The following BBOF1 variants were observed in gnomAD, a reference collection of about 807,000 sequenced individuals.
The protein encoded by BBOF1 is basal body-orientation factor 1.
Under a neutral mutation model 68.0 loss-of-function variants are expected in BBOF1, and 62 were observed. The ratio of observed to expected loss-of-function variants is 0.91; its 90% confidence interval spans 0.74 to 1.13. BBOF1 has a LOEUF of 1.13. BBOF1 is among the 50% of genes most tolerant of loss of function. BBOF1 has a pLI of 0.00. For missense variants in BBOF1, 534 were observed against 600.1 expected, an observed-to-expected ratio of 0.89 and a Z score of 1.15; for synonymous variants, 208 against 198.8, an observed-to-expected ratio of 1.05 and a Z score of -0.39.
chr14:74,077,075 T>C (rs1006584616), intron 9 of BBOF1, among the ~76,000 whole-genome samples: 14 of 152,160 alleles, frequency 9.2e-5, no homozygotes, highest in African/African-American at 3.4e-4. Flanking sequence ...TCCTTCCAAA[T>C]ACCTCATCTG....
Position 74,064,831 on chromosome 14 carries a change from A to T in BBOF1, c.*132A>T. 6.2e-7 allele frequency: 1 copy of T among 1,614,072 alleles called. No homozygotes were observed. Among genetic ancestry groups the T allele is most frequent in the South Asian group, 1.1e-5 (1 of 91,088 alleles). On this transcript the variant is annotated 3_prime_UTR_variant, in exon 12 of 12. Transcript: ENST00000394009. Reference sequence around the variant, plus strand: ...TTAACTCAAAAGTTACCTGTTTGCCATAGAAATTGGTGTCTCCCCTGAAGG... The same window carrying T: ...TTAACTCAAAAGTTACCTGTTTGCCTTAGAAATTGGTGTCTCCCCTGAAGG...
intron 5 of BBOF1, 117 bp downstream of exon 5, chr14:74,040,762 T>C: frequency 1.6e-6 from 1 of 621,248 alleles, no homozygotes; most frequent in Non-Finnish European, 2.8e-6. Context: ...TAGAAGATTG[T>C]TACCAAATTA....
chr14:74,082,393 G>GT (rs869211328), intron 12 of BBOF1, among the ~76,000 whole-genome samples: 7,074 of 77,564 alleles, frequency 0.091, 1,579 homozygotes, highest in East Asian at 0.44. Flanking sequence ...CAAAATCGAG[G>GT]TTTTTTTTTT....
downstream of BBOF1, chr14:74,069,148 A>G: frequency 1.5e-6 from 1 of 652,836 alleles, no homozygotes. Context: ...TCTGTTGCCC[A>G]GGCTGGAGTG....
At chr14:74,060,407 A>G in intron 11 of BBOF1, 1 of 513,832 alleles carries the variant, frequency 1.9e-6, no homozygotes, top group South Asian at 2.2e-5. Flanking sequence ...AGCATTTCAT[A>G]GTTACAACAG....
At chr14:74,051,238 C>G (rs1024468393) in intron 8 of BBOF1, among the ~76,000 whole-genome samples, 5 of 150,944 alleles carry the variant, frequency 3.3e-5, no homozygotes, top group Admixed American at 6.6e-5. Context: ...GAGCAAAACA[C>G]TGTCTCAAAA....
intron 7 of BBOF1, chr14:74,048,729 G>A (rs2060003171): frequency 6.6e-6 from 1 of 152,188 alleles, no homozygotes; most frequent in Non-Finnish European, 1.5e-5. Context: ...AGGGAGACTG[G>A]GAATTTTCAG....
intron 8 of BBOF1, among the ~76,000 whole-genome samples, chr14:74,054,677 T>TC (rs2060144006): frequency 1.6e-5 from 2 of 124,792 alleles, no homozygotes. Context: ...GCACCCAGGC[T>TC]CTTTTTTTTT....
chr14:74,038,294 T>C (rs2059755266), intron 4 of BBOF1, among the ~76,000 whole-genome samples: 1 of 152,244 alleles, frequency 6.6e-6, no homozygotes, highest in African/African-American at 2.4e-5. Flanking sequence ...ATGCTGTAGA[T>C]TGAATCAACA....
Position 74,065,265 on chromosome 14 carries a change from G to A in BBOF1, c.*566G>A, listed in dbSNP as rs1249854714. On this transcript the variant is annotated 3_prime_UTR_variant, in exon 12 of 12. Transcript: ENST00000394009. Reference sequence around the variant, plus strand: ...TGGCAGTTCCATTTCCATATGGGTTGTTATTTACAATCTGGATGGCTTCAT... The same window carrying A: ...TGGCAGTTCCATTTCCATATGGGTTATTATTTACAATCTGGATGGCTTCAT... The A allele has an allele frequency of 2.5e-6, 4 of 1,614,006 alleles. No homozygotes were observed. Among genetic ancestry groups the A allele is most frequent in the Admixed American group, 3.3e-5 (2 of 59,996 alleles).
chr14:74,048,242 A>T (rs2059993657), intron 7 of BBOF1, 168 bp downstream of exon 7: 2 of 572,854 alleles, frequency 3.5e-6, no homozygotes, highest in Non-Finnish European at 6.0e-6. Context: ...CAATCTTATA[A>T]TGCTTATAAG....
intron 8 of BBOF1, among the ~76,000 whole-genome samples, chr14:74,051,147 G>A (rs530726597): frequency 6.6e-6 from 1 of 152,090 alleles, no homozygotes; most frequent in African/African-American, 2.4e-5. Flanking sequence ...GGGAGGCTGA[G>A]GCAGGAGAAT....
At chr14:74,075,176 C>T (rs998425970) in intron 9 of BBOF1, among the ~76,000 whole-genome samples, 32 of 152,110 alleles carry the variant, frequency 2.1e-4, no homozygotes, top group African/African-American at 7.7e-4. Flanking sequence ...ATCTATGACA[C>T]AGCAAACTAT....
chr14:74,065,166 A>G lies in BBOF1; in HGVS notation c.*467A>G. The G allele has an allele frequency of 1.2e-6, 2 of 1,613,844 alleles. No individual in the cohort carries two copies. Among genetic ancestry groups the G allele is most frequent in the Non-Finnish European group, 1.7e-6 (2 of 1,179,784 alleles). Reference sequence around the variant, plus strand: ...AAATGGATATAAGAATCTCTTAAAAATTCTGTTCACGAACCTGTCCAACAT... The same window carrying G: ...AAATGGATATAAGAATCTCTTAAAAGTTCTGTTCACGAACCTGTCCAACAT... On this transcript the variant is annotated 3_prime_UTR_variant, in exon 12 of 12. Coordinates refer to ENST00000394009, the MANE Select transcript of BBOF1 (RefSeq NM_025057.3).
chr14:74,047,335 G>A (rs774249881), intron 6 of BBOF1, among the ~76,000 whole-genome samples: 21 of 152,194 alleles, frequency 1.4e-4, no homozygotes, highest in Middle Eastern at 6.8e-3. Flanking sequence ...TAGTCATGTG[G>A]ACAGGAAAGA....
chr14:74,071,260 G>A (rs1204813068), intron 9 of BBOF1: 2 of 1,614,042 alleles, frequency 1.2e-6, no homozygotes, highest in African/African-American at 1.3e-5. Flanking sequence ...GAGCAACTTA[G>A]CAAGAAGCAT....
chr14:74,030,207 C>A (rs1255577139), intron 3 of BBOF1, among the ~76,000 whole-genome samples: 1 of 151,740 alleles, frequency 6.6e-6, no homozygotes, highest in African/African-American at 2.4e-5. Flanking sequence ...TTTATTTTTT[C>A]ATTCTACTGT....
At chr14:74,067,425 GCCACTTCTTGGCTTCTC>G (rs773542490), downstream of BBOF1, 11 of 1,614,084 alleles carry the variant, frequency 6.8e-6, no homozygotes, top group South Asian at 1.2e-4. Flanking sequence ...AGCTCTGGCA[GCCACTTCTTGGCTTCTC>G]CCACAAGGAC....
intron 9 of BBOF1, chr14:74,072,676 T>A: frequency 6.4e-7 from 1 of 1,558,138 alleles, no homozygotes. Context: ...CTAATTGCTT[T>A]GCTTTTCCCT....
Sources: allele counts gnomAD v4.1 joint callset (sites outside exome capture counted in the v4.1 genomes callset), GRCh38; gene constraint gnomAD v4.1.1; transcripts MANE v1.5; gene names NCBI Gene and HGNC (gene_info 2026-07-23, HGNC 2026-07-21).